The following ARSH variants were observed in gnomAD, a reference collection of about 807,000 sequenced individuals.
ARSH encodes arylsulfatase H.
ARSH carries 32 observed loss-of-function variants against 28.7 expected under a neutral mutation model. The ratio of observed to expected loss-of-function variants is 1.11; its 90% CI spans 0.84 to 1.50. The LOEUF is 1.50. Among genes scored for constraint, ARSH ranks in the 40% most tolerant of loss-of-function variants. The probability of loss-of-function intolerance (pLI) is 0.00; values close to 1 mark genes in which losing one functional copy is unlikely to be tolerated. For missense variants in ARSH, 440 were observed against 452.4 expected (o/e 0.97, Z 0.25); for synonymous variants, 176 against 177.3 (o/e 0.99, Z 0.06).
intron 1 of ARSH, among the ~76,000 whole-genome samples, chrX:3,007,801 C>T (rs1025910206): frequency 9.8e-6 from 1 of 102,458 alleles, no homozygotes; most frequent in Non-Finnish European, 2.0e-5. Context: ...ATCAAGGTGT[C>T]TGCAGGGCTG....
chrX:3,015,381 C>T lies in ARSH; in HGVS notation c.752C>T (p.Ala251Val). Residue 251 changes from alanine to valine, a missense_variant, in exon 4 of 9, where the codon GCT becomes GTT. By Grantham distance (64) the Ala-to-Val change is moderately conservative (BLOSUM62 0). Transcript: ENST00000381130. ...TCCCTCATGCTGAAGGAGGCACTTG[C>T]TTTCATTGAAAGGTATTTAGCCATT... Reference protein sequence around the residue: ...VASLMLKEALAFIERYKREPF... With the variant: ...VASLMLKEALVFIERYKREPF... The T allele has an allele frequency of 8.3e-7, 1 of 1,209,703 alleles. No individual in the cohort carries two copies. The highest frequency in any genetic ancestry group is 1.1e-6 in the Non-Finnish European group (1 of 894,592).
intron 1 of ARSH, among the ~76,000 whole-genome samples, chrX:3,007,704 G>C (rs2089832243): frequency 9.7e-6 from 1 of 102,973 alleles, no homozygotes; most frequent in Non-Finnish European, 2.0e-5. Context: ...GTCTATTTCA[G>C]GCTGCTATAA....
chrX:3,012,024 G>A (rs1788530561), intron 2 of ARSH, among the ~76,000 whole-genome samples: 1 of 111,107 alleles, frequency 9.0e-6, no homozygotes, highest in Non-Finnish European at 1.9e-5. Context: ...TGTATTTTTA[G>A]TAGAGACAGG....
At chrX:3,024,178 C>T (rs772229342) in intron 6 of ARSH, 23 bp downstream of exon 6, 30 of 1,129,145 alleles carry the variant, frequency 2.7e-5, no homozygotes, top group South Asian at 9.0e-5. Flanking sequence ...AGAGAACCAA[C>T]GCCTGTCCAT....
At chrX:3,015,482 T>A in intron 4 of ARSH, 89 bp downstream of exon 4, 1 of 927,060 alleles carries the variant, frequency 1.1e-6, no homozygotes, top group African/African-American at 2.0e-5. Context: ...CATGGGCCTT[T>A]AAAAGTCTCT....
At position 3,026,638 on chromosome X, in the gene ARSH, T is replaced by A. The variant is rs767937581; in HGVS notation, c.1037-675T>A. 5.4e-5 allele frequency among the ~76,000 whole-genome samples: 6 copies of A among 111,805 alleles called. No homozygotes were observed. In the South Asian group the frequency reaches 1.9e-3, roughly 35 times the overall value. ...AACCGCCTCAGTCTCATGATTGATC[T>A]TACGGCAAGGGCTTCATTTTTGTTT... On this transcript the variant is annotated intron_variant, in intron 6 of 8. Transcript: ENST00000381130.
In ARSH at chrX:3,015,863, A is replaced by T. The variant is rs772465838; in HGVS notation, c.764+470A>T. On this transcript the variant is annotated intron_variant, in intron 4 of 8. Coordinates refer to ENST00000381130, the MANE Select transcript of ARSH (RefSeq NM_001011719.2). ...AAACTTTAGGTGACATTTGTGATAG[A>T]CTTGAGTCTCCTCTTAGGTAGAATT... Among the ~76,000 whole-genome samples, 5 of 111,093 alleles carry T rather than the reference A, an allele frequency of 4.5e-5. No individual in the cohort carries two copies. The South Asian group carries it at 1.9e-3, about 42-fold the overall frequency.
intron 3 of ARSH, among the ~76,000 whole-genome samples, chrX:3,013,834 G>C (rs765619949): frequency 9.0e-5 from 10 of 111,314 alleles, no homozygotes; most frequent in Non-Finnish European, 1.5e-4. Flanking sequence ...TATCAGTAGG[G>C]CATGTATTCC....
chrX:3,022,258 AT>A (rs200409336), intron 5 of ARSH, among the ~76,000 whole-genome samples: 7 of 111,761 alleles, frequency 6.3e-5, no homozygotes, highest in Admixed American at 3.8e-4. Context: ...CACTTTTATG[AT>A]TTTTTTATAC....
chrX:3,008,485 CT>C (rs1344248266), intron 1 of ARSH, among the ~76,000 whole-genome samples: 2 of 99,624 alleles, frequency 2.0e-5, no homozygotes, highest in South Asian at 4.8e-4. Flanking sequence ...TTCTTTCTTT[CT>C]TTCTTTCTTT....
At chrX:3,021,408 T>A (rs191694910) in intron 5 of ARSH, among the ~76,000 whole-genome samples, 16 of 111,817 alleles carry the variant, frequency 1.4e-4, no homozygotes, top group African/African-American at 4.9e-4. Flanking sequence ...CTGCGTAACA[T>A]CTCCCAAATA....
intron 5 of ARSH, among the ~76,000 whole-genome samples, chrX:3,023,472 T>C (rs2089890084): frequency 9.4e-6 from 1 of 106,574 alleles, no homozygotes; most frequent in African/African-American, 3.3e-5. Context: ...TATTATATAA[T>C]TACATAACAA....
rs1462430798 is a variant in ARSH, at chrX:3,029,273, C to T, written c.1226C>T (p.Pro409Leu). 3 of 1,210,421 alleles carry T rather than the reference C, an allele frequency of 2.5e-6. No individual in the cohort carries two copies. The highest frequency in any genetic ancestry group is 1.8e-5 in the South Asian group (1 of 56,808). The stretch of plus-strand genomic sequence containing the variant: ...GTGATTGACGGCCAGAACCTAATGC[C>T]CCTGCTGGAAGGAAGGGCGTCCCAC... Reference protein sequence around the residue: ...DRVIDGQNLMPLLEGRASHSD... With the variant: ...DRVIDGQNLMLLLEGRASHSD... Residue 409 changes from proline (P) to leucine (L), a missense_variant, in exon 8 of 9, where the codon CCC becomes CTC. Physicochemically the swap from Pro to Leu is moderately conservative, Grantham distance 98. Transcript: ENST00000381130.
In ARSH at chrX:3,010,171, G is replaced by T. The variant is rs755497801; in HGVS notation, c.214+20G>T. On this transcript the variant is annotated intron_variant, in intron 2 of 8. Transcript: ENST00000381130. The stretch of plus-strand genomic sequence containing the variant: ...GATCAGGTGAGGCAATAAAAAGGCA[G>T]CAACATTTCAGTCTCACCAGAATGC... The T allele has an allele frequency of 6.7e-6, 8 of 1,201,044 alleles. No individual in the cohort carries two copies. The African/African-American group carries it at 1.4e-4, about 21-fold the overall frequency.
intron 6 of ARSH, among the ~76,000 whole-genome samples, chrX:3,025,295 T>G (rs1006223722): frequency 4.7e-5 from 5 of 106,200 alleles, no homozygotes; most frequent in African/African-American, 1.7e-4. Flanking sequence ...TATATAGTCA[T>G]TATATTCATT....
In ARSH at chrX:3,012,265, C is replaced by T. The variant is rs747265781; in HGVS notation, c.215-782C>T. ...CATAAAATTATATGGAGGCCAGGCA[C>T]GGTGGCTCACATCTTTAATCCCAAC... On this transcript the variant is annotated intron_variant, in intron 2 of 8. Transcript: ENST00000381130. Among the ~76,000 whole-genome samples, 11 of 108,211 alleles carry T rather than the reference C, an allele frequency of 1.0e-4. No individual in the cohort carries two copies. The South Asian group carries it at 1.6e-3, about 16-fold the overall frequency. The allele number at this position is 108,211 out of a possible 115,157, so 94.0% of individuals were successfully genotyped here. A position where few individuals can be genotyped will look rare whatever the true frequency, so the allele number is the denominator to read the frequency against.
Position 3,015,267 on chromosome X carries a change from C to A in ARSH, c.638C>A (p.Ser213Tyr). ...TTTCTGTTTTTCACTTCCTGGTACT[C>A]TAGTTATGGATTTACTCGACGTTGG... ...LAFLFFTSWY[S>Y]SYGFTRRWNC... Residue 213 changes from serine to tyrosine, a missense_variant, in exon 4 of 9, where the codon TCT (serine) becomes TAT (tyrosine). Coordinates refer to ENST00000381130, the MANE Select transcript of ARSH (RefSeq NM_001011719.2). The A allele has an allele frequency of 8.3e-7, 1 of 1,211,319 alleles. No individual in the cohort carries two copies.
chrX:3,012,373 A>G (rs1024348285), intron 2 of ARSH, among the ~76,000 whole-genome samples: 14 of 100,948 alleles, frequency 1.4e-4, no homozygotes, highest in African/African-American at 4.3e-4. Flanking sequence ...CCTCGTCTCT[A>G]CTAAAAACAC....
chrX:3,030,487 G>A (rs144213249), intron 8 of ARSH, among the ~76,000 whole-genome samples: 4 of 111,635 alleles, frequency 3.6e-5, no homozygotes, highest in African/African-American at 1.3e-4. Flanking sequence ...ACTCAAGACT[G>A]GGTAATTTAT....
Sources: gnomAD v4.1 joint callset for allele counts (sites outside exome capture counted in the v4.1 genomes callset) on GRCh38, gnomAD v4.1.1 for gene constraint, MANE v1.5 for transcripts, NCBI Gene and HGNC (gene_info 2026-07-23, HGNC 2026-07-21) for gene names.